PTPRN2: variants seen among roughly 807,000 people sequenced by gnomAD.
The protein encoded by PTPRN2 is protein tyrosine phosphatase receptor type N2.
Under a neutral mutation model 118.8 loss-of-function variants are expected in PTPRN2, and 74 were observed. The ratio of observed to expected loss-of-function variants is 0.62; its 90% CI spans 0.52 to 0.76. The LOEUF is 0.76. PTPRN2 is among the 30% of genes least tolerant of loss of function. PTPRN2 has a pLI of 0.00. For synonymous variants in PTPRN2, 641 were observed against 608.0 expected (o/e 1.05, Z -0.80); for missense variants, 1,481 against 1,394.4 (o/e 1.06, Z -0.99).
In PTPRN2 at chr7:157,794,162, C is replaced by T. The variant is rs903525457; in HGVS notation, c.1788+104511G>A. Among the ~76,000 whole-genome samples, 11 of 151,874 alleles carry T rather than the reference C, an allele frequency of 7.2e-5. 1 individual carries two copies. The highest frequency in any genetic ancestry group is 2.0e-4 in the Admixed American group (3 of 15,256). On this transcript the variant is annotated intron_variant, in intron 12 of 22. Coordinates refer to ENST00000389418, the MANE Select transcript of PTPRN2 (RefSeq NM_002847.5). This position sits in a 1 kb window ranked among gnomAD's most constrained non-coding sequence, Gnocchi z 5.2. ...CTCGTTCTCTGCTCTGACCCGGGCT[C>T]GCACCTCTCCTCGTTCTCTGCCCTG...
intron 17 of PTPRN2, among the ~76,000 whole-genome samples, chr7:157,592,286 G>A (rs764160410): frequency 3.9e-5 from 6 of 152,198 alleles, no homozygotes; most frequent in African/African-American, 9.7e-5. Context: ...AATGGTTCAC[G>A]CCTTCTATTC....
intron 11 of PTPRN2, among the ~76,000 whole-genome samples, chr7:158,077,887 T>G (rs1812498322): frequency 6.6e-6 from 1 of 152,226 alleles, no homozygotes; most frequent in South Asian, 2.1e-4. Context: ...TTTTCTCTTC[T>G]GCCAGTTCAA....
chr7:157,946,300 T>G (rs935969475), intron 11 of PTPRN2, among the ~76,000 whole-genome samples: 2 of 150,774 alleles, frequency 1.3e-5, no homozygotes, highest in African/African-American at 2.4e-5. Context: ...AAAAAAAAAG[T>G]AAAATCCAGC....
chr7:157,644,859 C>T (rs1250511182), intron 14 of PTPRN2, among the ~76,000 whole-genome samples: 2 of 152,166 alleles, frequency 1.3e-5, no homozygotes, highest in Non-Finnish European at 2.9e-5. Context: ...GCACTGTCTG[C>T]TCTGAGCTAC....
At chr7:158,277,272 C>G (rs1026206119) in intron 3 of PTPRN2, among the ~76,000 whole-genome samples, 1 of 152,190 alleles carries the variant, frequency 6.6e-6, no homozygotes. Context: ...CCAGCCTCCT[C>G]GGGGTCCTGC....
chr7:157,675,440 C>T (rs1388129617), intron 13 of PTPRN2, among the ~76,000 whole-genome samples: 1 of 152,222 alleles, frequency 6.6e-6, no homozygotes, highest in East Asian at 1.9e-4. Flanking sequence ...GCGCCTTCTC[C>T]GAACACCTTC....
intron 5 of PTPRN2, among the ~76,000 whole-genome samples, chr7:158,182,850 T>C (rs1264296002): frequency 6.6e-6 from 1 of 152,240 alleles, no homozygotes; most frequent in Non-Finnish European, 1.5e-5. Flanking sequence ...CCTTGTTGAC[T>C]TTCTGTCTCA....
rs1487786053 is a variant in PTPRN2, at chr7:158,093,569, T to TA, written c.1644-12193dup. Among the ~76,000 whole-genome samples the TA allele has an allele frequency of 2.0e-5, 3 of 152,144 alleles. No homozygotes were observed. The highest frequency in any genetic ancestry group is 6.5e-5 in the Admixed American group (1 of 15,280). On this transcript the variant is annotated intron_variant, in intron 10 of 22. Coordinates refer to ENST00000389418, the MANE Select transcript of PTPRN2 (RefSeq NM_002847.5). This position sits in a 1 kb window ranked among gnomAD's most constrained non-coding sequence, Gnocchi z 4.4. ...ATCCAAGCTACCGACAGAAAACCAA[T>TA]AAAAAAATGAGCTCACGTCTGGCTG...
At chr7:158,343,674 C>T (rs575764536) in intron 2 of PTPRN2, among the ~76,000 whole-genome samples, 1 of 151,208 alleles carries the variant, frequency 6.6e-6, no homozygotes, top group Non-Finnish European at 1.5e-5. Flanking sequence ...CCAACACCTG[C>T]AAGCAGAGCT....
chr7:158,564,574 G>A (rs1031502706), intron 1 of PTPRN2, among the ~76,000 whole-genome samples: 24 of 152,218 alleles, frequency 1.6e-4, no homozygotes, highest in African/African-American at 5.5e-4. Context: ...GCCAGGAGAC[G>A]GGTGCATGCC....
chr7:158,409,591 G>C (rs57267305), intron 2 of PTPRN2, among the ~76,000 whole-genome samples: 4,613 of 152,298 alleles, frequency 0.03, 88 homozygotes, highest in Middle Eastern at 0.082. Context: ...ACTCCGGCAG[G>C]AGAATTTACG....
intron 3 of PTPRN2, among the ~76,000 whole-genome samples, chr7:158,299,938 T>C (rs766724325): frequency 2.6e-5 from 4 of 152,194 alleles, no homozygotes; most frequent in Non-Finnish European, 5.9e-5. Flanking sequence ...AGGGGCAGGT[T>C]CTGGAAAGGC....
intron 12 of PTPRN2, among the ~76,000 whole-genome samples, chr7:157,777,176 C>T (rs899869867): frequency 6.6e-6 from 1 of 152,162 alleles, no homozygotes; most frequent in Non-Finnish European, 1.5e-5. Context: ...ACACACAATT[C>T]AATTTTAGAG....
intron 12 of PTPRN2, among the ~76,000 whole-genome samples, chr7:157,822,961 T>G (rs1442713236): frequency 6.6e-6 from 1 of 152,036 alleles, no homozygotes; most frequent in Non-Finnish European, 1.5e-5. Context: ...ATCCATGTAT[T>G]CATCCACTAT....
At chr7:158,562,560 G>C (rs1403601152) in intron 1 of PTPRN2, among the ~76,000 whole-genome samples, 1 of 152,200 alleles carries the variant, frequency 6.6e-6, no homozygotes, top group Non-Finnish European at 1.5e-5. Flanking sequence ...CCCAGGGCCT[G>C]TCAGCATTAA....
Position 157,903,737 on chromosome 7 carries a change from C to T in PTPRN2, c.1724-5000G>A, listed in dbSNP as rs927599851. On this transcript the variant is annotated intron_variant, in intron 11 of 22. Coordinates refer to ENST00000389418, the MANE Select transcript of PTPRN2 (RefSeq NM_002847.5). This position sits in a 1 kb window ranked among gnomAD's most constrained non-coding sequence, Gnocchi z 4.2. ...CTGAGACTGCAGTGTAAGTCAAAAT[C>T]GAAGTCACAGAGTAAAATAATTGAA... Among the ~76,000 whole-genome samples, 22 of 151,424 alleles carry T rather than the reference C, an allele frequency of 1.5e-4. No homozygotes were observed. Among genetic ancestry groups the T allele is most frequent in the African/African-American group, 5.3e-4 (22 of 41,152 alleles).
Position 157,778,737 on chromosome 7 carries a change from G to A in PTPRN2, c.1789-95800C>T, listed in dbSNP as rs528048153. On this transcript the variant is annotated intron_variant, in intron 12 of 22. Coordinates refer to ENST00000389418, the MANE Select transcript of PTPRN2 (RefSeq NM_002847.5). ...ACATGTCCACCTGAATACAGGTGCC[G>A]AATGCCCACGTAAACATGTCCACGT... 3.8e-4 allele frequency among the ~76,000 whole-genome samples: 57 copies of A among 151,204 alleles called. 1 individual carries two copies. The highest frequency in any genetic ancestry group is 7.0e-4 in the African/African-American group (29 of 41,168).
intron 2 of PTPRN2, among the ~76,000 whole-genome samples, chr7:158,350,353 AACATGT>A (rs1200235734): frequency 6.6e-6 from 1 of 152,188 alleles, no homozygotes; most frequent in East Asian, 1.9e-4. Context: ...GTTCCCAGGA[AACATGT>A]ACAGGGTACC....
At chr7:158,206,075 C>T (rs1424579133) in intron 3 of PTPRN2, among the ~76,000 whole-genome samples, 2 of 152,200 alleles carry the variant, frequency 1.3e-5, no homozygotes, top group Non-Finnish European at 2.9e-5. Context: ...GGGGTGCAGA[C>T]AACCTAGTAA....
Sources: allele counts gnomAD v4.1 joint callset (sites outside exome capture counted in the v4.1 genomes callset), GRCh38; gene constraint gnomAD v4.1.1; non-coding constraint Gnocchi (gnomAD v3.1); transcripts MANE v1.5; gene names NCBI Gene and HGNC (gene_info 2026-07-23, HGNC 2026-07-21).